The following NRXN3 variants were observed in gnomAD, a reference collection of about 807,000 sequenced individuals.
NRXN3 encodes the protein neurexin III.
In NRXN3, 32 loss-of-function variants were observed where a neutral mutation model predicts 137.6. The ratio of observed to expected loss-of-function variants is 0.23; its 90% CI spans 0.18 to 0.31. The LOEUF (loss-of-function observed/expected upper bound fraction) is 0.31, where lower values mean the gene tolerates loss of function less well. Among genes scored for constraint, NRXN3 ranks in the 10% least tolerant of loss-of-function variants. The probability of loss-of-function intolerance (pLI) is 1.00; values close to 1 mark genes in which losing one functional copy is unlikely to be tolerated. For missense variants in NRXN3, 1,574 were observed against 2,062.5 expected, an observed-to-expected ratio of 0.76 and a Z score of 4.59; for synonymous variants, 798 against 784.5, an observed-to-expected ratio of 1.02 and a Z score of -0.29.
intron 10 of NRXN3, among the ~76,000 whole-genome samples, chr14:78,940,225 C>T (rs921752643): frequency 3.9e-5 from 6 of 152,192 alleles, no homozygotes; most frequent in Admixed American, 6.5e-5. Flanking sequence ...TTTAAAATCT[C>T]TTGTCTACCT....
intron 1 of NRXN3, among the ~76,000 whole-genome samples, chr14:78,234,189 T>A (rs115674163): frequency 0.013 from 1,995 of 152,324 alleles, 50 homozygotes; most frequent in African/African-American, 0.045. Context: ...TAAACTTCTT[T>A]CCTTTATAAA....
At position 79,267,616 on chromosome 14, in the gene NRXN3, C is replaced by T. The variant is rs188514421; in HGVS notation, c.3263-199605C>T. Among the ~76,000 whole-genome samples the T allele has an allele frequency of 8.0e-5, 12 of 150,794 alleles. No individual in the cohort carries two copies. In the East Asian group the frequency reaches 2.2e-3, roughly 27 times the overall value. On this transcript the variant is annotated intron_variant, in intron 15 of 20. Transcript: ENST00000335750. ...CAAGTGATCCCCCTGACTTGGCCTCCCAAACTGCTAGGTGAGCTACCACAC... is the reference window on the plus strand; with the variant it reads ...CAAGTGATCCCCCTGACTTGGCCTCTCAAACTGCTAGGTGAGCTACCACAC...
chr14:79,300,812 A>G (rs2085018577), intron 15 of NRXN3, among the ~76,000 whole-genome samples: 1 of 152,030 alleles, frequency 6.6e-6, no homozygotes, highest in South Asian at 2.1e-4. Flanking sequence ...TGAGCGTGCA[A>G]GGATGGGAGG....
intron 15 of NRXN3, among the ~76,000 whole-genome samples, chr14:79,150,410 G>A (rs1200611677): frequency 6.6e-6 from 1 of 151,930 alleles, no homozygotes; most frequent in Non-Finnish European, 1.5e-5. Flanking sequence ...TGTGTGGGGT[G>A]GGTACAGATA....
At chr14:78,783,478 C>T (rs1204945652) in intron 8 of NRXN3, among the ~76,000 whole-genome samples, 1 of 151,894 alleles carries the variant, frequency 6.6e-6, no homozygotes, top group Non-Finnish European at 1.5e-5. Context: ...AAGAGAAAAA[C>T]ATATTAATGG....
intron 16 of NRXN3, among the ~76,000 whole-genome samples, chr14:79,619,057 A>T (rs1421628660): frequency 4.0e-5 from 6 of 151,500 alleles, no homozygotes; most frequent in African/African-American, 1.5e-4. Flanking sequence ...GAGTTATTTG[A>T]TTTTTGTGTT....
At chr14:79,125,494 G>A (rs2056241729) in intron 15 of NRXN3, among the ~76,000 whole-genome samples, 1 of 152,156 alleles carries the variant, frequency 6.6e-6, no homozygotes, top group Non-Finnish European at 1.5e-5. Flanking sequence ...ACTTTTGCAG[G>A]AAGCATTCTC....
chr14:79,814,379 C>T (rs2099245243), intron 20 of NRXN3, among the ~76,000 whole-genome samples: 2 of 152,200 alleles, frequency 1.3e-5, no homozygotes, highest in South Asian at 4.1e-4. Flanking sequence ...ATTTCTCACT[C>T]TCCTATTGTC....
intron 16 of NRXN3, among the ~76,000 whole-genome samples, chr14:79,499,085 T>A (rs924213051): frequency 1.1e-4 from 16 of 152,206 alleles, no homozygotes; most frequent in African/African-American, 1.4e-4. Context: ...TGGTATTTTT[T>A]AAAAAATATA....
intron 4 of NRXN3, among the ~76,000 whole-genome samples, chr14:78,507,037 T>A (rs1219606170): frequency 6.6e-6 from 1 of 152,198 alleles, no homozygotes; most frequent in Non-Finnish European, 1.5e-5. Flanking sequence ...GCAATTAATT[T>A]GAGTGTTTAA....
chr14:78,206,510 C>T (rs1214181010), intron 1 of NRXN3, among the ~76,000 whole-genome samples: 2 of 152,034 alleles, frequency 1.3e-5, no homozygotes, highest in Non-Finnish European at 2.9e-5. Flanking sequence ...GCTTCTCTCT[C>T]TGTAAATAAA....
intron 4 of NRXN3, among the ~76,000 whole-genome samples, chr14:78,416,102 A>ATT (rs1179026446): frequency 2.6e-5 from 4 of 152,186 alleles, no homozygotes; most frequent in Non-Finnish European, 5.9e-5. Flanking sequence ...AACTCAGAGT[A>ATT]TTGTTGGCAG....
intron 4 of NRXN3, among the ~76,000 whole-genome samples, chr14:78,541,368 C>A (rs552652705): frequency 1.3e-5 from 2 of 152,078 alleles, no homozygotes; most frequent in Admixed American, 6.6e-5. Flanking sequence ...TTAATTTGAT[C>A]TTCAATCACT....
intron 19 of NRXN3, among the ~76,000 whole-genome samples, chr14:79,709,580 A>G (rs1193502929): frequency 6.6e-6 from 1 of 152,210 alleles, no homozygotes; most frequent in Non-Finnish European, 1.5e-5. Flanking sequence ...AATCCACGGT[A>G]ACAATGGGGA....
chr14:78,744,049 C>T (rs1170685883), intron 8 of NRXN3, among the ~76,000 whole-genome samples: 1 of 152,064 alleles, frequency 6.6e-6, no homozygotes, highest in Non-Finnish European at 1.5e-5. Context: ...TTTCCTTTAC[C>T]AACAAAGTAA....
chr14:78,853,022 T>A (rs1326457609), intron 10 of NRXN3, among the ~76,000 whole-genome samples: 8 of 152,186 alleles, frequency 5.3e-5, no homozygotes, highest in African/African-American at 1.7e-4. Context: ...AGAATCTCAT[T>A]CATTTTTATG....
chr14:79,505,520 C>G (rs2096869913), intron 16 of NRXN3, among the ~76,000 whole-genome samples: 1 of 152,212 alleles, frequency 6.6e-6, no homozygotes, highest in Non-Finnish European at 1.5e-5. Context: ...TCACATTCCA[C>G]TAACCACATG....
intron 15 of NRXN3, among the ~76,000 whole-genome samples, chr14:79,418,201 A>G (rs988529261): frequency 2.0e-5 from 3 of 152,192 alleles, no homozygotes; most frequent in African/African-American, 7.2e-5. Context: ...GACTATTCCT[A>G]GTCATTAGAT....
intron 4 of NRXN3, among the ~76,000 whole-genome samples, chr14:78,498,500 A>T (rs763779452): frequency 1.3e-5 from 2 of 152,140 alleles, no homozygotes; most frequent in Non-Finnish European, 2.9e-5. Flanking sequence ...CCTTGGGCAG[A>T]CAGGGCTAGT....
Sources: gnomAD v4.1 joint callset for allele counts (sites outside exome capture counted in the v4.1 genomes callset) on GRCh38, gnomAD v4.1.1 for gene constraint, MANE v1.5 for transcripts, NCBI Gene and HGNC (gene_info 2026-07-23, HGNC 2026-07-21) for gene names.